PEMT: variants seen among roughly 807,000 people sequenced by gnomAD.
PEMT encodes the protein phosphatidylethanolamine N-methyltransferase.
In PEMT, 23 loss-of-function variants were observed where a neutral mutation model predicts 27.4. The ratio of observed to expected loss-of-function variants is 0.84; its 90% CI spans 0.60 to 1.19. The LOEUF is 1.19. PEMT is among the 50% of genes most tolerant of loss of function. The pLI is 0.00. For synonymous variants in PEMT, 137 were observed against 139.1 expected, an observed-to-expected ratio of 0.98 and a Z score of 0.11; for missense variants, 307 against 310.1, an observed-to-expected ratio of 0.99 and a Z score of 0.07.
At chr17:17,548,764 T>C (rs1368818507) in intron 2 of PEMT, among the ~76,000 whole-genome samples, 1 of 152,156 alleles carries the variant, frequency 6.6e-6, no homozygotes, top group African/African-American at 2.4e-5. Flanking sequence ...AGGCTGGTCT[T>C]GAACTCCTGA....
chr17:17,573,298 C>G (rs1156677218), intron 2 of PEMT, among the ~76,000 whole-genome samples: 1 of 151,942 alleles, frequency 6.6e-6, no homozygotes, highest in African/African-American at 2.4e-5. Flanking sequence ...AACCCCATCT[C>G]TACTAAAACT....
chr17:17,585,194 C>T (rs570673616), intron 1 of PEMT, among the ~76,000 whole-genome samples: 2 of 152,218 alleles, frequency 1.3e-5, no homozygotes, highest in South Asian at 2.1e-4. Flanking sequence ...AAAAATTAGC[C>T]GGGCGTGGTG....
intron 2 of PEMT, among the ~76,000 whole-genome samples, chr17:17,531,926 G>T (rs539806176): frequency 1.3e-5 from 2 of 152,114 alleles, no homozygotes; most frequent in East Asian, 3.8e-4. Context: ...ATTCTTGATA[G>T]AATGAAAGGA....
chr17:17,530,188 G>A (rs189037056), intron 2 of PEMT, among the ~76,000 whole-genome samples: 301 of 152,340 alleles, frequency 2.0e-3, no homozygotes, highest in African/African-American at 7.1e-3. Context: ...CCATGTAAAT[G>A]TTTTGCATAA....
At chr17:17,577,301 A>G (rs905770465) in intron 1 of PEMT, 5 of 467,614 alleles carry the variant, frequency 1.1e-5, no homozygotes, top group African/African-American at 2.0e-5. Context: ...TGGCACCCTG[A>G]AGGGAGGTGA....
intron 2 of PEMT, among the ~76,000 whole-genome samples, chr17:17,539,972 C>G (rs1305571736): frequency 2.0e-5 from 3 of 152,160 alleles, no homozygotes; most frequent in African/African-American, 4.8e-5. Context: ...GGCTCGGGAG[C>G]AGGAGGGCCC....
intron 2 of PEMT, among the ~76,000 whole-genome samples, chr17:17,541,249 T>C (rs1260431800): frequency 6.6e-6 from 1 of 152,208 alleles, no homozygotes; most frequent in Non-Finnish European, 1.5e-5. Context: ...GCAAGGAAGA[T>C]GTCTCCCTCA....
chr17:17,576,759 A>G (rs1235064492), intron 2 of PEMT, among the ~76,000 whole-genome samples, 161 bp downstream of exon 2: 3 of 152,188 alleles, frequency 2.0e-5, no homozygotes, highest in Non-Finnish European at 4.4e-5. Flanking sequence ...GACGGCAGGA[A>G]GCGCCTAGTA....
At chr17:17,572,624 C>T (rs1911285311) in intron 2 of PEMT, among the ~76,000 whole-genome samples, 1 of 152,242 alleles carries the variant, frequency 6.6e-6, no homozygotes. Flanking sequence ...CCTCCCCTTG[C>T]CTGCTGTGTC....
At chr17:17,508,931 G>A (rs1906125487) in intron 5 of PEMT, 1 of 326,426 alleles carries the variant, frequency 3.1e-6, no homozygotes, top group Admixed American at 4.6e-5. Flanking sequence ...AGATGGGTCG[G>A]GTGGTCCCAG....
At chr17:17,506,591 G>A (rs773177544) in intron 5 of PEMT, among the ~76,000 whole-genome samples, 7 of 152,226 alleles carry the variant, frequency 4.6e-5, no homozygotes, top group South Asian at 2.1e-4. Context: ...GTCTCCAGCC[G>A]CCAGCCCAGA....
At chr17:17,527,280 G>T (rs145241538) in intron 2 of PEMT, among the ~76,000 whole-genome samples, 5 of 152,136 alleles carry the variant, frequency 3.3e-5, no homozygotes, top group Admixed American at 2.0e-4. Flanking sequence ...CAGGTGATCC[G>T]CCCGCCTCGG....
intron 2 of PEMT, among the ~76,000 whole-genome samples, chr17:17,542,020 G>A (rs576521670): frequency 2.6e-5 from 4 of 152,196 alleles, no homozygotes; most frequent in Admixed American, 6.5e-5. Flanking sequence ...TTGCTCTGTT[G>A]CTCAGGCTGG....
chr17:17,549,623 T>C (rs1909509138), intron 2 of PEMT, among the ~76,000 whole-genome samples: 1 of 152,214 alleles, frequency 6.6e-6, no homozygotes, highest in Admixed American at 6.5e-5. Context: ...CGTGGCATTT[T>C]TTACCTTTTA....
rs572860049 is a variant in PEMT, at chr17:17,550,869, C to T, written c.204+26051G>A. On this transcript the variant is annotated intron_variant, in intron 2 of 6. Coordinates refer to ENST00000255389, the MANE Select transcript of PEMT (RefSeq NM_148172.3). The stretch of plus-strand genomic sequence containing the variant: ...AGAGTACAGAGAAAGCCCACGGAGT[C>T]GTGAGAGCACACAAACTCCACACAG... Among the ~76,000 whole-genome samples, 4 of 152,300 alleles carry T rather than the reference C, an allele frequency of 2.6e-5. No individual in the cohort carries two copies. The East Asian group carries it at 5.8e-4, about 22-fold the overall frequency.
intron 4 of PEMT, among the ~76,000 whole-genome samples, chr17:17,511,878 G>T (rs1906435810): frequency 6.6e-6 from 1 of 151,546 alleles, no homozygotes; most frequent in Non-Finnish European, 1.5e-5. Flanking sequence ...CAAGGAGCTG[G>T]AAGTTGCTGC....
At chr17:17,572,917 G>T (rs1347276478) in intron 2 of PEMT, among the ~76,000 whole-genome samples, 1 of 152,234 alleles carries the variant, frequency 6.6e-6, no homozygotes. Flanking sequence ...AGCCAGGCGT[G>T]GTGGCTCATG....
At chr17:17,535,584 T>G (rs1473780664) in intron 2 of PEMT, among the ~76,000 whole-genome samples, 1 of 147,328 alleles carries the variant, frequency 6.8e-6, no homozygotes, top group Non-Finnish European at 1.5e-5. Context: ...AAAAAAAAAG[T>G]CCTTACTTGT....
intron 2 of PEMT, among the ~76,000 whole-genome samples, chr17:17,524,072 G>A (rs1052446953): frequency 6.6e-5 from 10 of 152,148 alleles, no homozygotes; most frequent in African/African-American, 2.2e-4. Flanking sequence ...AGGTTCGTCT[G>A]TGCCACAGTG....
Sources: allele counts gnomAD v4.1 joint callset (sites outside exome capture counted in the v4.1 genomes callset), GRCh38; gene constraint gnomAD v4.1.1; transcripts MANE v1.5; gene names NCBI Gene and HGNC (gene_info 2026-07-23, HGNC 2026-07-21).